Variants in NHSL2 observed in about 807,000 individuals in gnomAD.
The protein encoded by NHSL2 is NHS like 2, also known as NHS-like protein 2.
NHSL2 carries 27 observed loss-of-function variants against 53.4 expected under a neutral mutation model. That is an observed-to-expected ratio of 0.51 (90% CI 0.37 to 0.70). The LOEUF is 0.70. Among genes scored for constraint, NHSL2 ranks in the 30% least tolerant of loss-of-function variants. The pLI is 0.00. For missense variants in NHSL2, 892 were observed against 980.1 expected (o/e 0.91, Z 1.20); for synonymous variants, 408 against 404.1 (o/e 1.01, Z -0.12).
intron 1 of NHSL2, among the ~76,000 whole-genome samples, chrX:72,014,818 T>A (rs1358269506): frequency 1.8e-5 from 2 of 109,529 alleles, no homozygotes; most frequent in African/African-American, 6.7e-5. Flanking sequence ...TGTTGTTGAG[T>A]TCCTATATAC....
At chrX:72,099,158 A>G (rs1485713380) in intron 1 of NHSL2, among the ~76,000 whole-genome samples, 1 of 111,829 alleles carries the variant, frequency 8.9e-6, no homozygotes, top group East Asian at 2.8e-4. Flanking sequence ...ACACTATCCA[A>G]TAGAAATATA....
At chrX:72,121,231 T>G (rs1315738515) in intron 1 of NHSL2, among the ~76,000 whole-genome samples, 1 of 112,039 alleles carries the variant, frequency 8.9e-6, no homozygotes, top group Admixed American at 9.4e-5. Flanking sequence ...AAGTGCTAAT[T>G]CTGGCTAGTG....
intron 2 of NHSL2, chrX:72,133,792 A>G (rs576906990): frequency 5.0e-6 from 1 of 200,232 alleles, no homozygotes; most frequent in African/African-American, 2.9e-5. Context: ...AGGTGTCTGC[A>G]TTCTGAGCCT....
At chrX:72,070,804 T>G (rs1053356269) in intron 1 of NHSL2, among the ~76,000 whole-genome samples, 4 of 110,671 alleles carry the variant, frequency 3.6e-5, no homozygotes, top group Admixed American at 1.9e-4. Flanking sequence ...AGCCTGCAGT[T>G]CCCTCTGTGC....
intron 1 of NHSL2, among the ~76,000 whole-genome samples, chrX:71,939,037 G>T (rs758010136): frequency 4.7e-4 from 53 of 112,672 alleles, no homozygotes; most frequent in Non-Finnish European, 8.8e-4. Flanking sequence ...TGACAAGGCT[G>T]AGTACAGGGT....
At chrX:72,095,607 G>C (rs2041937760) in intron 1 of NHSL2, among the ~76,000 whole-genome samples, 1 of 112,228 alleles carries the variant, frequency 8.9e-6, no homozygotes, top group Non-Finnish European at 1.9e-5. Flanking sequence ...CTTGCCTCTA[G>C]GGCCCTGAAG....
At chrX:72,119,343 G>A (rs1322074216) in intron 1 of NHSL2, among the ~76,000 whole-genome samples, 1 of 111,830 alleles carries the variant, frequency 8.9e-6, no homozygotes, top group Non-Finnish European at 1.9e-5. Flanking sequence ...CATTGAATCT[G>A]TAGATCAATT....
chrX:72,016,627 T>G (rs2042136983), intron 1 of NHSL2, among the ~76,000 whole-genome samples: 1 of 111,053 alleles, frequency 9.0e-6, no homozygotes, highest in Non-Finnish European at 1.9e-5. Context: ...ACGAAAGATG[T>G]TCAGGGGTCA....
intron 1 of NHSL2, among the ~76,000 whole-genome samples, chrX:71,925,266 TGCCTCTTGTCTTAAGAGC>T (rs1212334422): frequency 9.0e-6 from 1 of 111,696 alleles, no homozygotes. Context: ...TCTGGGCTGA[TGCCTCTTGTCTTAAGAGC>T]TTAGGTTTCC....
At chrX:72,089,046 TCCAGG>T (rs1381419777) in intron 1 of NHSL2, among the ~76,000 whole-genome samples, 18 of 111,303 alleles carry the variant, frequency 1.6e-4, no homozygotes, top group African/African-American at 5.9e-4. Context: ...TTTCCTGTCC[TCCAGG>T]GACTTATATT....
chrX:71,959,277 G>C (rs1488101273), intron 1 of NHSL2, among the ~76,000 whole-genome samples: 1 of 111,983 alleles, frequency 8.9e-6, no homozygotes, highest in Non-Finnish European at 1.9e-5. Flanking sequence ...CCTCTTTAAG[G>C]TTGATGTCAG....
intron 1 of NHSL2, among the ~76,000 whole-genome samples, chrX:72,042,074 C>T (rs2042277424): frequency 8.9e-6 from 1 of 112,535 alleles, no homozygotes; most frequent in Non-Finnish European, 1.9e-5. Context: ...AGCAGGAATA[C>T]ACTGGCCTAC....
At chrX:72,022,047 A>G (rs2042162921) in intron 1 of NHSL2, among the ~76,000 whole-genome samples, 1 of 111,253 alleles carries the variant, frequency 9.0e-6, no homozygotes, top group Admixed American at 9.5e-5. Context: ...CTCGACCTCA[A>G]ACACCCAGGC....
At chrX:72,110,126 G>C (rs146499403) in intron 1 of NHSL2, among the ~76,000 whole-genome samples, 1,468 of 111,489 alleles carry the variant, frequency 0.013, 27 homozygotes, top group African/African-American at 0.045. Flanking sequence ...TAGTTGCCTA[G>C]ATCCTTGCTG....
intron 1 of NHSL2, among the ~76,000 whole-genome samples, chrX:72,055,868 T>A (rs1028359319): frequency 1.8e-5 from 2 of 112,846 alleles, no homozygotes; most frequent in Middle Eastern, 4.6e-3. Context: ...AGATGTCACC[T>A]TTTTAGTCCT....
chrX:72,123,210 G>A (rs140667441), intron 1 of NHSL2, among the ~76,000 whole-genome samples: 3,126 of 112,436 alleles, frequency 0.028, 115 homozygotes, highest in African/African-American at 0.097. Flanking sequence ...CAAGGGCCTC[G>A]TATGTACAGA....
Position 71,963,377 on chromosome X carries a change from G to A in NHSL2, c.280+52010G>A, listed in dbSNP as rs1165429510. Among the ~76,000 whole-genome samples the A allele has an allele frequency of 2.7e-5, 3 of 111,280 alleles. No individual in the cohort carries two copies. In the East Asian group the frequency reaches 8.4e-4, roughly 31 times the overall value. On this transcript the variant is annotated intron_variant, in intron 1 of 7. Coordinates refer to ENST00000633930, the MANE Select transcript of NHSL2 (RefSeq NM_001013627.3). ...ATAAAGGAGGAATAGAGAATAAAAA[G>A]CTATGAGACATATAAAAACAAAAAA...
At chrX:72,093,455 AT>A (rs778276073) in intron 1 of NHSL2, among the ~76,000 whole-genome samples, 11 of 112,255 alleles carry the variant, frequency 9.8e-5, no homozygotes, top group Non-Finnish European at 1.7e-4. Context: ...GTTACCAGTC[AT>A]TTCCTGAATA....
At chrX:71,997,321 A>G (rs1037695969) in intron 1 of NHSL2, among the ~76,000 whole-genome samples, 9 of 111,978 alleles carry the variant, frequency 8.0e-5, no homozygotes, top group African/African-American at 2.9e-4. Flanking sequence ...GCCTTACTCT[A>G]TGTGGATCTG....
Sources: allele counts gnomAD v4.1 joint callset (sites outside exome capture counted in the v4.1 genomes callset), GRCh38; gene constraint gnomAD v4.1.1; transcripts MANE v1.5; gene names NCBI Gene and HGNC (gene_info 2026-07-23, HGNC 2026-07-21).